The following TCHP variants were observed in gnomAD, a reference collection of about 807,000 sequenced individuals.
The protein encoded by TCHP is trichoplein keratin filament binding.
A neutral mutation model predicts 88.7 loss-of-function variants in TCHP; 81 were observed. The observed-to-expected ratio is 0.91, with a 90% CI of 0.76 to 1.10. The LOEUF (loss-of-function observed/expected upper bound fraction) is 1.10, where lower values mean the gene tolerates loss of function less well. TCHP is among the 50% of genes least tolerant of loss of function. TCHP has a pLI of 0.00. For synonymous variants in TCHP, 232 were observed against 232.5 expected (o/e 1.00, Z 0.02); for missense variants, 641 against 632.1 (o/e 1.01, Z -0.15).
the TCHP span, among the ~76,000 whole-genome samples, chr12:109,887,482 G>T: frequency 6.6e-6 from 1 of 151,574 alleles, no homozygotes; most frequent in South Asian, 2.1e-4. Flanking sequence ...GTCTCTATGG[G>T]GTTAATTCTA....
Position 109,914,600 on chromosome 12 carries a change from G to A in TCHP, c.1293G>A (p.Ser431=), listed in dbSNP as rs780978159. The A allele has an allele frequency of 2.4e-5, 39 of 1,612,216 alleles. No homozygotes were observed. Among genetic ancestry groups the A allele is most frequent in the Middle Eastern group, 2.0e-4 (1 of 4,986 alleles). Residue 431 remains serine (S), a synonymous_variant, in exon 11 of 13, where the codon TCG becomes TCA. Transcript: ENST00000405876. ...AAGAGGAGAGTGAAAAGCTGAAATCGGCCAGGAAGCAGGAGCTGGAAGCCC... is the reference window on the plus strand; with the variant it reads ...AAGAGGAGAGTGAAAAGCTGAAATCAGCCAGGAAGCAGGAGCTGGAAGCCC... The part of the protein sequence containing the change: ...REKEESEKLK[S]ARKQELEAQV...
At position 109,915,483 on chromosome 12, in the gene TCHP, G is replaced by A. The variant is rs1870760779; in HGVS notation, c.1401G>A (p.Gln467=). ...EEEEEARRVE[Q]LSDALLQQEA... is the part of the protein sequence containing the mutation. ...AGGAGGAGGCCCGGCGGGTCGAGCAGCTCTCAGATGCCCTGCTGCAGCAGG... is the reference window on the plus strand; with the variant it reads ...AGGAGGAGGCCCGGCGGGTCGAGCAACTCTCAGATGCCCTGCTGCAGCAGG... Residue 467 remains glutamine, a synonymous_variant, in exon 12 of 13, where the codon CAG becomes CAA. Coordinates refer to ENST00000405876, the MANE Select transcript of TCHP (RefSeq NM_001143852.2). The A allele has an allele frequency of 6.2e-7, 1 of 1,614,132 alleles. No individual in the cohort carries two copies. Among genetic ancestry groups the A allele is most frequent in the Non-Finnish European group, 8.5e-7 (1 of 1,180,018 alleles).
Position 109,903,343 on chromosome 12 carries a change from C to G in TCHP, c.188+129C>G, listed in dbSNP as rs896120073. ...GAATTACCTGCATGGTGATGTTTTT[C>G]CAGCTGGAAATGGAAAAAAAGATCA... On this transcript the variant is annotated intron_variant, in intron 2 of 12. Coordinates refer to ENST00000405876, the MANE Select transcript of TCHP (RefSeq NM_001143852.2). The surrounding 1 kb of genome is among the most constrained non-coding windows in gnomAD (Gnocchi z 4.6). 11 of 832,080 alleles carry G rather than the reference C, an allele frequency of 1.3e-5. No homozygotes were observed. The highest frequency in any genetic ancestry group is 1.8e-5 in the Non-Finnish European group (10 of 548,892). The allele number at this position is 832,080 out of a possible 1,614,324, so 51.5% of individuals were successfully genotyped here.
At chr12:109,908,250 T>C (rs1870258812) in intron 6 of TCHP, among the ~76,000 whole-genome samples, 1 of 152,218 alleles carries the variant, frequency 6.6e-6, no homozygotes, top group Non-Finnish European at 1.5e-5. Flanking sequence ...TGCTGAGCAC[T>C]GGGTTGGGAA....
At position 109,908,677 on chromosome 12, in the gene TCHP, TC is replaced by T. The variant is rs1287600818; in HGVS notation, c.793del (p.Arg265GlyfsTer10). 1 of 1,597,300 alleles carries T rather than the reference TC, an allele frequency of 6.3e-7. No individual in the cohort carries two copies. Among genetic ancestry groups the T allele is most frequent in the Non-Finnish European group, 8.5e-7 (1 of 1,173,466 alleles). ...GAAGAGCGAAAGCAGATGGAAGCCT[TC>T]CGGCAGAAGGCAGAGCTGGGGTGTG... ...LEEERKQMEA[F>X]RQKAELGRFL... On this transcript the variant is annotated frameshift_variant, in exon 7 of 13. Transcript: ENST00000405876. LOFTEE classifies it high-confidence loss of function.
the TCHP span, among the ~76,000 whole-genome samples, chr12:109,888,985 G>A: frequency 2.7e-5 from 4 of 150,518 alleles, no homozygotes; most frequent in African/African-American, 7.4e-5. Context: ...TCCTTGAGTC[G>A]AGGAGTTTGA....
In TCHP at chr12:109,916,818, A is replaced by T. The variant is rs1870847045; in HGVS notation, c.*195A>T. The T allele has an allele frequency of 8.5e-6, 5 of 588,878 alleles. No homozygotes were observed. Among genetic ancestry groups the T allele is most frequent in the Admixed American group, 3.4e-5 (1 of 29,428 alleles). 36.5% of individuals were successfully genotyped at this position (588,878 alleles called of 1,614,324 possible). ...TTAAGGTGTCGTGAGAGTCCCTTTC[A>T]TGCCTTTCTTACCCAAGCAAGGGTC... is the stretch of plus-strand genomic sequence containing the variant. On this transcript the variant is annotated 3_prime_UTR_variant, in exon 13 of 13. Transcript: ENST00000405876.
chr12:109,904,286 A>AG (rs1388429843), intron 3 of TCHP, 139 bp downstream of exon 3: 1 of 742,122 alleles, frequency 1.3e-6, no homozygotes, highest in African/African-American at 1.8e-5. Flanking sequence ...AAAAGAGCTT[A>AG]GGTCCTTGTG....
rs1339907799 is a variant in TCHP at position 109,903,922 on chromosome 12, C to G, written c.189-15C>G. 6.3e-7 allele frequency: 1 copy of G among 1,588,894 alleles called. No homozygotes were observed. On this transcript the variant is annotated splice_polypyrimidine_tract_variant and intron_variant, in intron 2 of 12. Coordinates refer to ENST00000405876, the MANE Select transcript of TCHP (RefSeq NM_001143852.2). The surrounding 1 kb of genome is among the most constrained non-coding windows in gnomAD (Gnocchi z 4.6). ...CTGTAGCATGATTGATTCAGGCAGGCCCCCTCTCACCCAGCATGCATGCCT... is the reference window on the plus strand; with the variant it reads ...CTGTAGCATGATTGATTCAGGCAGGGCCCCTCTCACCCAGCATGCATGCCT...
chr12:109,911,014 A>G (rs772060342), intron 8 of TCHP, 49 bp from the exon 9 acceptor site: 2 of 1,459,936 alleles, frequency 1.4e-6, no homozygotes, highest in East Asian at 2.5e-5. Context: ...CTCTCATTGC[A>G]GAAGGACTCT....
intron 9 of TCHP, among the ~76,000 whole-genome samples, chr12:109,912,289 G>A (rs1053062825): frequency 1.3e-5 from 2 of 152,132 alleles, no homozygotes; most frequent in African/African-American, 4.8e-5. Context: ...CCAAGTGGTG[G>A]CTTGTGAGAC....
In TCHP at chr12:109,900,279, C is replaced by T. The variant is rs1290521338; in HGVS notation, c.-148C>T. On this transcript the variant is annotated 5_prime_UTR_variant, in exon 1 of 13. Coordinates refer to ENST00000405876, the MANE Select transcript of TCHP (RefSeq NM_001143852.2). ...CTTGGCCCTTGCGACGCTCCGTCGT[C>T]GGGCTCGTTGCCGGTGCAAACAGGG... 6.6e-6 allele frequency: 1 copy of T among 152,260 alleles called. No individual in the cohort carries two copies. Among genetic ancestry groups the T allele is most frequent in the Non-Finnish European group, 1.5e-5 (1 of 68,052 alleles). The allele number at this position is 152,260 out of a possible 1,614,324, so 9.4% of individuals were successfully genotyped here.
the TCHP span, among the ~76,000 whole-genome samples, chr12:109,889,218 A>T: frequency 1.3e-5 from 2 of 152,160 alleles, no homozygotes; most frequent in Non-Finnish European, 2.9e-5. Flanking sequence ...TCATGCCTGT[A>T]ATCCCAGCAC....
chr12:109,890,967 A>G, the TCHP span, among the ~76,000 whole-genome samples: 1 of 152,248 alleles, frequency 6.6e-6, no homozygotes, highest in East Asian at 1.9e-4. Context: ...CTGAGCATTC[A>G]AAAATGAGGA....
chr12:109,916,445 A>G, intron 12 of TCHP, 146 bp from the exon 13 acceptor site: 1 of 832,086 alleles, frequency 1.2e-6, no homozygotes, highest in South Asian at 1.9e-5. Context: ...CAAGTGCCTC[A>G]TTTATGGCTT....
the TCHP span, among the ~76,000 whole-genome samples, chr12:109,893,829 G>A: frequency 6.6e-6 from 1 of 152,214 alleles, no homozygotes; most frequent in Admixed American, 6.5e-5. Context: ...GAAATGGGAA[G>A]CTATTTGGGA....
Position 109,914,429 on chromosome 12 carries a change from C to T in TCHP, c.1135-13C>T. On this transcript the variant is annotated splice_polypyrimidine_tract_variant and intron_variant, in intron 10 of 12. Transcript: ENST00000405876. Reference sequence around the variant, plus strand: ...CAACCTCAAAGCTGCCCTTTTCTTTCTGCTGAGGTTAGGTTCTGACAGGGA... The same window carrying T: ...CAACCTCAAAGCTGCCCTTTTCTTTTTGCTGAGGTTAGGTTCTGACAGGGA... 6.2e-7 allele frequency: 1 copy of T among 1,602,660 alleles called. No homozygotes were observed. Among genetic ancestry groups the T allele is most frequent in the Non-Finnish European group, 8.5e-7 (1 of 1,172,420 alleles).
At chr12:109,904,202 G>A (rs1869990427) in intron 3 of TCHP, 55 bp downstream of exon 3, 4 of 1,494,630 alleles carry the variant, frequency 2.7e-6, no homozygotes, top group Non-Finnish European at 3.6e-6. Flanking sequence ...CCCAGCCTGA[G>A]TGTGTCGCAC....
In TCHP at chr12:109,917,361, C is replaced by G. The variant is rs1433694505; in HGVS notation, c.*738C>G. ...GGTGTGGTGGCACGTGCCTTTAGTC[C>G]CAGCTACCCGGGAGGCTGCGGCAAG... On this transcript the variant is annotated 3_prime_UTR_variant, in exon 13 of 13. Coordinates refer to ENST00000405876, the MANE Select transcript of TCHP (RefSeq NM_001143852.2). 6.6e-6 allele frequency: 1 copy of G among 152,124 alleles called. No homozygotes were observed. Among genetic ancestry groups the G allele is most frequent in the East Asian group, 1.9e-4 (1 of 5,202 alleles). The allele number at this position is 152,124 out of a possible 1,614,324, so 9.4% of individuals were successfully genotyped here.
Sources: allele counts gnomAD v4.1 joint callset (sites outside exome capture counted in the v4.1 genomes callset), GRCh38; gene constraint gnomAD v4.1.1; non-coding constraint Gnocchi (gnomAD v3.1); transcripts MANE v1.5; gene names NCBI Gene and HGNC (gene_info 2026-07-23, HGNC 2026-07-21).